Variants in DESI1 observed in about 807,000 individuals in gnomAD.
DESI1 encodes desumoylating isopeptidase 1.
In DESI1, 17 loss-of-function variants were observed where a neutral mutation model predicts 22.4. The observed-to-expected ratio is 0.76, with a 90% CI of 0.52 to 1.14. DESI1 has a LOEUF of 1.14. Ranked by LOEUF, DESI1 falls within the 50% of genes most tolerant of loss-of-function variation. DESI1 has a pLI of 0.00. For missense variants in DESI1, 177 were observed against 208.9 expected (o/e 0.85, Z 0.94); for synonymous variants, 92 against 84.2 (o/e 1.09, Z -0.51).
chr22:41,603,093 G>T, intron 5 of DESI1, 166 bp downstream of exon 5: 1 of 1,002,668 alleles, frequency 1.0e-6, no homozygotes, highest in Non-Finnish European at 1.5e-6. Context: ...TAATACAGGT[G>T]CGCATCAGTG....
At position 41,601,079 on chromosome 22, in the gene DESI1, C is replaced by A; in HGVS notation, c.*18G>T. 1 of 1,605,216 alleles carries A rather than the reference C, an allele frequency of 6.2e-7. No individual in the cohort carries two copies. The highest frequency in any genetic ancestry group is 8.5e-7 in the Non-Finnish European group (1 of 1,173,492). ...AAGGAAAAGCCCTGGTGAGGCAGGGCGGTCCCAGGCAGTCCTGTTAGCTCT... is the reference window on the plus strand; with the variant it reads ...AAGGAAAAGCCCTGGTGAGGCAGGGAGGTCCCAGGCAGTCCTGTTAGCTCT... On this transcript the variant is annotated 3_prime_UTR_variant, in exon 6 of 6. Transcript: ENST00000263256.
Position 41,620,980 on chromosome 22 carries a change from C to A in DESI1, c.-141G>T. The A allele has an allele frequency of 1.2e-6, 1 of 861,380 alleles. No homozygotes were observed. The highest frequency in any genetic ancestry group is 1.8e-5 in the South Asian group (1 of 56,090). The allele number at this position is 861,380 out of a possible 1,614,324, so 53.4% of individuals were successfully genotyped here. A position where few individuals can be genotyped will look rare whatever the true frequency, so the allele number is the denominator to read the frequency against. ...CCGGGCTGAGGGGTGGGGGAGAGGC[C>A]GCCCTGCGCTGCTCGCGCCCCCACA... On this transcript the variant is annotated 5_prime_UTR_variant, in exon 1 of 6. Transcript: ENST00000263256.
At position 41,599,850 on chromosome 22, in the gene DESI1, C is replaced by T. The variant is rs900103234; in HGVS notation, c.*1247G>A. The T allele has an allele frequency of 4.0e-5, 6 of 151,320 alleles. No individual in the cohort carries two copies. Among genetic ancestry groups the T allele is most frequent in the Non-Finnish European group, 5.9e-5 (4 of 67,840 alleles). The allele number at this position is 151,320 out of a possible 1,614,324, so 9.4% of individuals were successfully genotyped here. On this transcript the variant is annotated 3_prime_UTR_variant, in exon 6 of 6. Transcript: ENST00000263256. ...CTGGGATTACAGGCGTGAGCCACCGCGCCAGGCCTCACATCATTATTCTTT... is the reference window on the plus strand; with the variant it reads ...CTGGGATTACAGGCGTGAGCCACCGTGCCAGGCCTCACATCATTATTCTTT...
At chr22:41,604,250 CT>C (rs1264626626) in intron 3 of DESI1, 97 bp from the exon 4 acceptor site, 57,238 of 282,878 alleles carry the variant, frequency 0.2, 1,525 homozygotes, top group Admixed American at 0.29. Context: ...TCTGTTCTGA[CT>C]TTTTTTTTTT....
At chr22:41,607,419 C>A in intron 2 of DESI1, 88 bp from the exon 3 acceptor site, 1 of 1,325,010 alleles carries the variant, frequency 7.5e-7, no homozygotes, top group Non-Finnish European at 1.0e-6. Flanking sequence ...GTAATTTCTG[C>A]CCAAGGATAG....
chr22:41,604,188 AC>A, intron 3 of DESI1, 35 bp from the exon 4 acceptor site: 1 of 1,584,646 alleles, frequency 6.3e-7, no homozygotes, highest in African/African-American at 1.4e-5. Flanking sequence ...TCATTAAGTT[AC>A]CATCTCCACT....
At chr22:41,616,384 A>G (rs575715272) in intron 1 of DESI1, among the ~76,000 whole-genome samples, 4 of 152,368 alleles carry the variant, frequency 2.6e-5, no homozygotes, top group Admixed American at 2.0e-4. Flanking sequence ...CAAGCAATTT[A>G]TATATTCTAT....
At position 41,604,104 on chromosome 22, in the gene DESI1, G is replaced by C; in HGVS notation, c.230C>G (p.Thr77Arg). 6.2e-7 allele frequency: 1 copy of C among 1,613,914 alleles called. No individual in the cohort carries two copies. Among genetic ancestry groups the C allele is most frequent in the Non-Finnish European group, 8.5e-7 (1 of 1,179,996 alleles). Residue 77 changes from threonine (T) to arginine (R), a missense_variant, in exon 4 of 6, where the codon ACA becomes AGA. Thr to Arg is a moderately conservative substitution (Grantham distance 71, BLOSUM62 -1). Coordinates refer to ENST00000263256, the MANE Select transcript of DESI1 (RefSeq NM_015704.3). The part of the protein sequence containing the change: ...PPDSVVDVGS[T>R]EVTEEIFLEY... ...CAGAAAGATTTCTTCTGTGACTTCT[G>C]TACTCCCCACATCAACCACAGAGTC...
Position 41,607,843 on chromosome 22 carries a change from A to G in DESI1, c.107T>C (p.Ile36Thr). 6.2e-7 allele frequency: 1 copy of G among 1,614,218 alleles called. No homozygotes were observed. Among genetic ancestry groups the G allele is most frequent in the Non-Finnish European group, 8.5e-7 (1 of 1,180,038 alleles). ...TAAGGAGACCCACCCAACTTACCAG[A>G]TGCCTTCCAGTTGTTTCCCTGTGGA... ...PIMLGKQLEG[I>T]WHTSIVVHKD... is the part of the protein sequence containing the mutation. The change falls in exon 2 of 6, where the codon ATC (isoleucine) becomes ACC (threonine). Residue 36 changes from isoleucine to threonine, a missense_variant. Ile to Thr is a moderately conservative substitution (Grantham distance 89). Transcript: ENST00000263256.
intron 1 of DESI1, among the ~76,000 whole-genome samples, chr22:41,619,123 G>A (rs2067567022): frequency 6.6e-6 from 1 of 151,740 alleles, no homozygotes; most frequent in Admixed American, 6.6e-5. Flanking sequence ...ATGAGTAACA[G>A]CTTCCTCAGT....
intron 1 of DESI1, among the ~76,000 whole-genome samples, chr22:41,618,235 C>T (rs929399571): frequency 3.3e-5 from 5 of 151,880 alleles, no homozygotes; most frequent in African/African-American, 1.2e-4. Context: ...TGGTGGCATG[C>T]GCCTGTAATC....
rs41276323 is a variant in DESI1 at position 41,601,506 on chromosome 22, C to T, written c.414-316G>A. ...GCTACATACAGAGAACTAGAACTTT[C>T]TGTGCTCTATGTGCTTGTGTCTTTA... is the stretch of plus-strand genomic sequence containing the variant. On this transcript the variant is annotated intron_variant, in intron 5 of 5. Transcript: ENST00000263256. Among the ~76,000 whole-genome samples, 321 of 152,300 alleles carry T rather than the reference C, an allele frequency of 2.1e-3. 1 individual carries two copies. The highest frequency in any genetic ancestry group is 6.8e-3 in the Middle Eastern group (2 of 294).
Position 41,601,028 on chromosome 22 carries a change from AT to A in DESI1, c.*68del. 1 of 1,375,476 alleles carries A rather than the reference AT, an allele frequency of 7.3e-7. No individual in the cohort carries two copies. Among genetic ancestry groups the A allele is most frequent in the South Asian group, 1.3e-5 (1 of 79,786 alleles). 85.2% of individuals were successfully genotyped at this position (1,375,476 alleles called of 1,614,324 possible). A position where few individuals can be genotyped will look rare whatever the true frequency, so the allele number is the denominator to read the frequency against. ...TCTGATGTAAAATTATAAAATAGAAATCTGGTAGGGTTTGTTTTGTTTAAAA... is the reference window on the plus strand; with the variant it reads ...TCTGATGTAAAATTATAAAATAGAAACTGGTAGGGTTTGTTTTGTTTAAAA... On this transcript the variant is annotated 3_prime_UTR_variant, in exon 6 of 6. Transcript: ENST00000263256.
At chr22:41,614,915 C>CA (rs1212560927) in intron 1 of DESI1, among the ~76,000 whole-genome samples, 2 of 139,000 alleles carry the variant, frequency 1.4e-5, no homozygotes, top group Non-Finnish European at 3.1e-5. Context: ...TTTTTTTTAA[C>CA]AAAAAAGTTC....
At chr22:41,602,399 G>A (rs868792437) in intron 5 of DESI1, 1 of 985,468 alleles carries the variant, frequency 1.0e-6, no homozygotes, top group African/African-American at 1.7e-5. Context: ...GGCAGGGCCA[G>A]GGCTGGCGGA....
In DESI1 at chr22:41,600,884, T is replaced by A; in HGVS notation, c.*213A>T. On this transcript the variant is annotated 3_prime_UTR_variant, in exon 6 of 6. Coordinates refer to ENST00000263256, the MANE Select transcript of DESI1 (RefSeq NM_015704.3). The stretch of plus-strand genomic sequence containing the variant: ...GCACAGACAAGACAGCCTTAATAAA[T>A]TAGTATAATACTATTAGAAGGGGTG... 1.9e-6 allele frequency: 1 copy of A among 529,898 alleles called. No individual in the cohort carries two copies. The highest frequency in any genetic ancestry group is 2.3e-5 in the South Asian group (1 of 44,236). The allele number at this position is 529,898 out of a possible 1,614,324, so 32.8% of individuals were successfully genotyped here.
Position 41,604,050 on chromosome 22 carries a change from A to G in DESI1, c.284T>C (p.Leu95Pro). ...CACCCCTGTCTCCACTCACCGGAACAGGGACTCCCCCAGGGAGGAGAGGTA... is the reference window on the plus strand; with the variant it reads ...CACCCCTGTCTCCACTCACCGGAACGGGGACTCCCCCAGGGAGGAGAGGTA... Reference protein sequence around the residue: ...LEYLSSLGESLFRGEAYNLFE... With the variant: ...LEYLSSLGESPFRGEAYNLFE... The change falls in exon 4 of 6, where the codon CTG (leucine) becomes CCG (proline). Residue 95 changes from leucine to proline, a missense_variant. By Grantham distance (98) the Leu-to-Pro change is moderately conservative. Coordinates refer to ENST00000263256, the MANE Select transcript of DESI1 (RefSeq NM_015704.3). 1.9e-6 allele frequency: 3 copies of G among 1,613,402 alleles called. No individual in the cohort carries two copies. The highest frequency in any genetic ancestry group is 2.5e-6 in the Non-Finnish European group (3 of 1,179,794).
intron 1 of DESI1, 100 bp from the exon 2 acceptor site, chr22:41,607,961 A>G: frequency 1.5e-6 from 2 of 1,368,464 alleles, no homozygotes; most frequent in Non-Finnish European, 2.1e-6. Context: ...GTAACCTGTC[A>G]TAAACCTCTT....
At chr22:41,604,229 AC>A in intron 3 of DESI1, 76 bp from the exon 4 acceptor site, 1 of 1,038,874 alleles carries the variant, frequency 9.6e-7, no homozygotes, top group Non-Finnish European at 1.4e-6. Context: ...CCCACAGTAG[AC>A]CACAAACACT....
Sources: allele counts gnomAD v4.1 joint callset (sites outside exome capture counted in the v4.1 genomes callset), GRCh38; gene constraint gnomAD v4.1.1; transcripts MANE v1.5; gene names NCBI Gene and HGNC (gene_info 2026-07-23, HGNC 2026-07-21).